AUTS2: variants seen among roughly 807,000 people sequenced by gnomAD.
The protein encoded by AUTS2 is autism susceptibility gene 2 protein.
AUTS2 carries 17 observed loss-of-function variants against 112.4 expected under a neutral mutation model. That is an observed-to-expected ratio of 0.15 (90% CI 0.10 to 0.23). The LOEUF (loss-of-function observed/expected upper bound fraction) is 0.23. Ranked by LOEUF, AUTS2 falls within the 10% of genes least tolerant of loss-of-function variation. AUTS2 has a pLI of 1.00. For synonymous variants in AUTS2, 751 were observed against 702.7 expected (o/e 1.07, Z -1.09); for missense variants, 1,510 against 1,701.6 (o/e 0.89, Z 1.98).
intron 1 of AUTS2, among the ~76,000 whole-genome samples, chr7:69,797,140 A>G (rs1002049355): frequency 2.6e-5 from 4 of 152,178 alleles, no homozygotes; most frequent in Non-Finnish European, 5.9e-5. Context: ...CACCTCCAGA[A>G]TGTAACCTCT....
At chr7:70,664,405 A>G (rs942069603) in intron 5 of AUTS2, among the ~76,000 whole-genome samples, 3 of 152,218 alleles carry the variant, frequency 2.0e-5, no homozygotes, top group Admixed American at 6.5e-5. Flanking sequence ...ATGAAACCTC[A>G]TAATTTCTCT....
intron 1 of AUTS2, among the ~76,000 whole-genome samples, chr7:69,828,166 G>T (rs1290285751): frequency 6.6e-6 from 1 of 152,128 alleles, no homozygotes; most frequent in Non-Finnish European, 1.5e-5. Context: ...GTTCAGGGGG[G>T]TACATCTTGA....
At chr7:70,670,004 C>T (rs1807552260) in intron 5 of AUTS2, among the ~76,000 whole-genome samples, 1 of 152,146 alleles carries the variant, frequency 6.6e-6, no homozygotes, top group African/African-American at 2.4e-5. Context: ...ATTTTTTACT[C>T]TTCAACAAAA....
chr7:70,379,288 G>A (rs1793259505), intron 4 of AUTS2, among the ~76,000 whole-genome samples: 2 of 152,144 alleles, frequency 1.3e-5, no homozygotes, highest in Admixed American at 1.3e-4. Flanking sequence ...ATCACTTGCA[G>A]TTAGGAGTTC....
chr7:70,285,393 T>C (rs1338514500), intron 4 of AUTS2, among the ~76,000 whole-genome samples: 3 of 152,206 alleles, frequency 2.0e-5, no homozygotes, highest in Non-Finnish European at 4.4e-5. Context: ...TTTGTAATAG[T>C]TGGGACAGTG....
At chr7:69,774,542 T>A (rs1391461241) in intron 1 of AUTS2, among the ~76,000 whole-genome samples, 1 of 152,240 alleles carries the variant, frequency 6.6e-6, no homozygotes. Context: ...GACAAGAATT[T>A]TAAAGCAGAC....
intron 2 of AUTS2, among the ~76,000 whole-genome samples, chr7:70,063,016 G>A (rs898349998): frequency 1.3e-5 from 2 of 152,088 alleles, no homozygotes; most frequent in African/African-American, 2.4e-5. Context: ...ACTGCTAAGC[G>A]AGCCCTTTTG....
At chr7:70,645,943 T>C (rs1585430883) in intron 5 of AUTS2, among the ~76,000 whole-genome samples, 1 of 124,824 alleles carries the variant, frequency 8.0e-6, no homozygotes, top group South Asian at 3.2e-4. Flanking sequence ...GATGTGCGAC[T>C]TTTTTTTCTT....
intron 5 of AUTS2, among the ~76,000 whole-genome samples, chr7:70,457,547 G>A (rs1229700050): frequency 6.6e-6 from 1 of 152,160 alleles, no homozygotes; most frequent in Non-Finnish European, 1.5e-5. Flanking sequence ...CAACCAATAT[G>A]ACTAAAGTAC....
chr7:69,639,861 G>A (rs1023458722), intron 1 of AUTS2, among the ~76,000 whole-genome samples: 11 of 152,316 alleles, frequency 7.2e-5, no homozygotes, highest in Admixed American at 7.2e-4. Flanking sequence ...TCTGGACTTG[G>A]AGAAGACCCA....
Position 70,674,702 on chromosome 7 carries a change from G to A in AUTS2, c.691-23867G>A, listed in dbSNP as rs78497603. On this transcript the variant is annotated intron_variant, in intron 5 of 18. Coordinates refer to ENST00000342771, the MANE Select transcript of AUTS2 (RefSeq NM_015570.4). ...CCTTGAAGCTGAAGCTCCTTCTCCT[G>A]TGGGAAGAGGGAGCTAAGCATGTAC... Among the ~76,000 whole-genome samples the A allele has an allele frequency of 2.0e-4, 30 of 152,250 alleles. No homozygotes were observed. In the East Asian group the frequency reaches 5.8e-3, roughly 30 times the overall value.
chr7:69,886,761 C>CTT (rs1554398763), intron 1 of AUTS2, among the ~76,000 whole-genome samples: 2 of 114,712 alleles, frequency 1.7e-5, no homozygotes, highest in Non-Finnish European at 1.9e-5. Context: ...GATTTGACTT[C>CTT]TTTGTGTGTG....
At chr7:70,590,573 C>T (rs1038226882) in intron 5 of AUTS2, among the ~76,000 whole-genome samples, 1 of 152,164 alleles carries the variant, frequency 6.6e-6, no homozygotes, top group Non-Finnish European at 1.5e-5. Context: ...CCAAGCTCGT[C>T]CCTCCAGACC....
intron 1 of AUTS2, among the ~76,000 whole-genome samples, chr7:69,602,020 G>GTATATA (rs1173266676): frequency 4.3e-3 from 294 of 68,012 alleles, no homozygotes; most frequent in Admixed American, 0.012. Context: ...ATGTGTGTGT[G>GTATATA]TATATATATA....
At chr7:69,965,748 G>A (rs1005996585) in intron 2 of AUTS2, among the ~76,000 whole-genome samples, 2 of 152,084 alleles carry the variant, frequency 1.3e-5, no homozygotes, top group Non-Finnish European at 2.9e-5. Flanking sequence ...GAATTCCATA[G>A]ACTCTCTTTT....
intron 4 of AUTS2, among the ~76,000 whole-genome samples, chr7:70,366,251 A>C (rs892582249): frequency 1.3e-5 from 2 of 152,194 alleles, no homozygotes; most frequent in African/African-American, 4.8e-5. Context: ...TCCATAAGCA[A>C]ATAACACATT....
chr7:69,903,819 G>T (rs972265656), intron 2 of AUTS2, among the ~76,000 whole-genome samples: 1 of 152,308 alleles, frequency 6.6e-6, no homozygotes, highest in East Asian at 1.9e-4. Context: ...CTCTAACCTT[G>T]CTGGTAAGGA....
At chr7:70,254,520 T>G (rs1786757986) in intron 4 of AUTS2, among the ~76,000 whole-genome samples, 1 of 152,194 alleles carries the variant, frequency 6.6e-6, no homozygotes. Context: ...TACTAAGCAC[T>G]CATTTGTTTT....
chr7:70,308,715 T>C (rs1789598073), intron 4 of AUTS2, among the ~76,000 whole-genome samples: 1 of 152,236 alleles, frequency 6.6e-6, no homozygotes, highest in African/African-American at 2.4e-5. Context: ...AGTTCTCAAC[T>C]GGTGTACCAC....
Sources: gnomAD v4.1 joint callset for allele counts (sites outside exome capture counted in the v4.1 genomes callset) on GRCh38, gnomAD v4.1.1 for gene constraint, MANE v1.5 for transcripts, NCBI Gene and HGNC (gene_info 2026-07-23, HGNC 2026-07-21) for gene names.